The following PSPC1 variants were observed in gnomAD, a reference collection of about 807,000 sequenced individuals.
PSPC1 encodes paraspeckle component 1.
A neutral mutation model predicts 51.6 loss-of-function variants in PSPC1; 14 were observed. The observed-to-expected ratio is 0.27, with a 90% CI of 0.18 to 0.42. The LOEUF (loss-of-function observed/expected upper bound fraction) is 0.42, where lower values mean the gene tolerates loss of function less well. Among genes scored for constraint, PSPC1 ranks in the 10% least tolerant of loss-of-function variants. The pLI is 1.00. For missense variants in PSPC1, 406 were observed against 701.1 expected (o/e 0.58, Z 4.75); for synonymous variants, 193 against 231.9 (o/e 0.83, Z 1.53).
intron 6 of PSPC1, among the ~76,000 whole-genome samples, chr13:19,695,052 A>C (rs547883687): frequency 6.6e-6 from 1 of 152,356 alleles, no homozygotes; most frequent in African/African-American, 2.4e-5. Context: ...TCAGTATGTA[A>C]CTAAGAGGGT....
Position 19,782,336 on chromosome 13 carries a change from G to C in PSPC1, c.372+50C>G. 2.0e-6 allele frequency: 3 copies of C among 1,520,630 alleles called. No individual in the cohort carries two copies. Among genetic ancestry groups the C allele is most frequent in the Non-Finnish European group, 1.8e-6 (2 of 1,136,222 alleles). 94.2% of individuals were successfully genotyped at this position (1,520,630 alleles called of 1,614,324 possible). ...GCTGGCCTCAGCCCCACGACCCCGC[G>C]GCCACCCCGACAGTCCTTTTGTTCC... On this transcript the variant is annotated intron_variant, in intron 1 of 8. Transcript: ENST00000338910. This position sits in a 1 kb window ranked among gnomAD's most constrained non-coding sequence, Gnocchi z 4.5.
At chr13:19,717,849 G>A (rs985409151) in intron 6 of PSPC1, among the ~76,000 whole-genome samples, 5 of 150,750 alleles carry the variant, frequency 3.3e-5, no homozygotes, top group East Asian at 3.9e-4. Context: ...GCACTCCAGC[G>A]TGGGCGACAG....
chr13:19,693,833 C>T (rs1044966871), intron 6 of PSPC1, among the ~76,000 whole-genome samples: 6 of 152,070 alleles, frequency 3.9e-5, no homozygotes, highest in Non-Finnish European at 8.8e-5. Context: ...TGAATATATA[C>T]TTAAACTTGG....
In PSPC1 at chr13:19,768,974, C is replaced by T. The variant is rs561831956; in HGVS notation, c.674+3268G>A. ...ACGTGGCGAAACCCCATCTCTACTG[C>T]AAAAAAAAAAAAAAAATTAGCCAGG... On this transcript the variant is annotated intron_variant, in intron 2 of 8. Transcript: ENST00000338910. Among the ~76,000 whole-genome samples the T allele has an allele frequency of 3.2e-4, 40 of 123,978 alleles. 3 individuals carry two copies. Among genetic ancestry groups the T allele is most frequent in the African/African-American group, 1.2e-3 (39 of 32,876 alleles). The allele number at this position is 123,978 out of a possible 152,430, so 81.3% of individuals were successfully genotyped here.
At chr13:19,697,942 T>C (rs1879445287), downstream of PSPC1, among the ~76,000 whole-genome samples, 1 of 152,084 alleles carries the variant, frequency 6.6e-6, no homozygotes, top group African/African-American at 2.4e-5. Flanking sequence ...AAGTAAATTA[T>C]TTAAATAACC....
chr13:19,749,526 CAAAAAAA>C (rs777351117), intron 4 of PSPC1, among the ~76,000 whole-genome samples: 1 of 98,362 alleles, frequency 1.0e-5, no homozygotes, highest in East Asian at 3.0e-4. Flanking sequence ...GATTCTGTCT[CAAAAAAA>C]AAAAAAAAAA....
Position 19,757,232 on chromosome 13 carries a change from G to T in PSPC1, c.770+2091C>A, listed in dbSNP as rs147803856. Reference sequence around the variant, plus strand: ...GGTTCATGGTCTCACAACTGAGAAGGGTCCCTCCACACTTTTGGAACTGTG... The same window carrying T: ...GGTTCATGGTCTCACAACTGAGAAGTGTCCCTCCACACTTTTGGAACTGTG... On this transcript the variant is annotated intron_variant, in intron 3 of 8. Coordinates refer to ENST00000338910, the MANE Select transcript of PSPC1 (RefSeq NM_001354909.2). 8.6e-3 allele frequency among the ~76,000 whole-genome samples: 1,315 copies of T among 152,146 alleles called. 23 individuals carry two copies. Among genetic ancestry groups the T allele is most frequent in the African/African-American group, 0.03 (1,258 of 41,524 alleles).
intron 5 of PSPC1, among the ~76,000 whole-genome samples, chr13:19,740,554 C>T (rs1370717651): frequency 6.6e-6 from 1 of 152,146 alleles, no homozygotes; most frequent in Non-Finnish European, 1.5e-5. Flanking sequence ...ATCACAAGCA[C>T]CTTACATTTT....
At chr13:19,685,838 C>T (rs1220282113) in intron 6 of PSPC1, among the ~76,000 whole-genome samples, 1 of 152,218 alleles carries the variant, frequency 6.6e-6, no homozygotes, top group East Asian at 1.9e-4. Context: ...TTTCTCATTT[C>T]CCAAAGTTTC....
At chr13:19,737,611 T>A (rs1371795406) in intron 5 of PSPC1, among the ~76,000 whole-genome samples, 1 of 152,144 alleles carries the variant, frequency 6.6e-6, no homozygotes. Flanking sequence ...AAATTTAATA[T>A]TTTTTCCTTT....
chr13:19,747,064 C>T (rs1324974553), intron 4 of PSPC1, among the ~76,000 whole-genome samples: 16 of 151,584 alleles, frequency 1.1e-4, no homozygotes, highest in Admixed American at 9.2e-4. Flanking sequence ...GCCGAGATGG[C>T]GCCATTTCAC....
At chr13:19,766,511 G>A (rs1888082652) in intron 2 of PSPC1, among the ~76,000 whole-genome samples, 2 of 151,924 alleles carry the variant, frequency 1.3e-5, no homozygotes, top group Admixed American at 6.6e-5. Flanking sequence ...TGGGCCACAT[G>A]GCGAAAATAC....
At chr13:19,760,825 A>G (rs1887544303) in intron 2 of PSPC1, among the ~76,000 whole-genome samples, 1 of 151,548 alleles carries the variant, frequency 6.6e-6, no homozygotes, top group Non-Finnish European at 1.5e-5. Flanking sequence ...CGTCTCTACT[A>G]AAAATACAAA....
At chr13:19,691,335 C>A (rs1221204135) in intron 6 of PSPC1, among the ~76,000 whole-genome samples, 1 of 151,326 alleles carries the variant, frequency 6.6e-6, no homozygotes, top group Admixed American at 6.6e-5. Context: ...AGCCTGGGAG[C>A]CTGGGCAACA....
intron 6 of PSPC1, among the ~76,000 whole-genome samples, chr13:19,726,366 A>G (rs920548665): frequency 2.0e-5 from 3 of 152,222 alleles, no homozygotes; most frequent in African/African-American, 7.2e-5. Flanking sequence ...TTTAACACGT[A>G]TATCTCCTGG....
intron 6 of PSPC1, among the ~76,000 whole-genome samples, chr13:19,716,268 T>C (rs1565987339): frequency 6.6e-6 from 1 of 152,128 alleles, no homozygotes; most frequent in Non-Finnish European, 1.5e-5. Flanking sequence ...TGTGTGTGTA[T>C]TACCAATAAC....
chr13:19,728,970 G>C (rs1883709478), intron 6 of PSPC1, among the ~76,000 whole-genome samples: 1 of 152,042 alleles, frequency 6.6e-6, no homozygotes, highest in Admixed American at 6.6e-5. Flanking sequence ...AATATTTTAA[G>C]TTATTGCGAG....
In PSPC1 at chr13:19,741,570, T is replaced by C. The variant is rs1420456707; in HGVS notation, c.1047A>G (p.Gln349=). Residue 349 remains glutamine, a synonymous_variant, in exon 5 of 9, where the codon CAA becomes CAG. Transcript: ENST00000338910. ...TTAAAATGATCTTCTTTTACCTTAG[T>C]TGTATTTGCTTCCGTTTTTGCAACT... The part of the protein sequence containing the change: ...NQELQKRKQI[Q]LRHEEEHRRR... 10 of 1,579,726 alleles carry C rather than the reference T, an allele frequency of 6.3e-6. No homozygotes were observed. The East Asian group carries it at 2.0e-4, about 32-fold the overall frequency.
chr13:19,753,815 G>A (rs1177067692), intron 3 of PSPC1, among the ~76,000 whole-genome samples: 5 of 152,080 alleles, frequency 3.3e-5, no homozygotes, highest in African/African-American at 1.2e-4. Flanking sequence ...CATGATCCTA[G>A]GGACTCTATA....
Sources: gnomAD v4.1 joint callset for allele counts (sites outside exome capture counted in the v4.1 genomes callset) on GRCh38, gnomAD v4.1.1 for gene constraint, Gnocchi (gnomAD v3.1) non-coding constraint, MANE v1.5 for transcripts, NCBI Gene and HGNC (gene_info 2026-07-23, HGNC 2026-07-21) for gene names.